DEFA1B: variants seen among roughly 807,000 people sequenced by gnomAD.
DEFA1B encodes the protein defensin alpha 1B.
chr8:6,998,913 A>G (rs1441413940), intron 1 of DEFA1B, among the ~76,000 whole-genome samples: 9 of 114,196 alleles, frequency 7.9e-5, no homozygotes, highest in Non-Finnish European at 1.9e-4. Context: ...CAACCAGGAC[A>G]TGTGTGTTTA....
At chr8:6,998,982 C>A (rs1454448481) in intron 1 of DEFA1B, 141 bp downstream of exon 1, 4 of 108,408 alleles carry the variant, frequency 3.7e-5, no homozygotes, top group Non-Finnish European at 8.7e-5. Flanking sequence ...CCCCAGCAGT[C>A]ACCAGAGGTC....
rs1477186275 is a variant in DEFA1B at position 6,999,112 on chromosome 8, G to A, written c.-13+11C>T. ...AAACTCAGTGTAAAGTTTAAGTTTT[G>A]TAGTACTTACAGATCCTCTAGCTAG... On this transcript the variant is annotated intron_variant, in intron 1 of 2. Coordinates refer to ENST00000382689, the MANE Select transcript of DEFA1B (RefSeq NM_001042500.2). The A allele has an allele frequency of 2.2e-4, 22 of 98,940 alleles. No homozygotes were observed. In the Admixed American group the frequency reaches 2.4e-3, roughly 11 times the overall value. 6.1% of individuals were successfully genotyped at this position (98,940 alleles called of 1,614,324 possible). A position where few individuals can be genotyped will look rare whatever the true frequency, so the allele number is the denominator to read the frequency against.
At chr8:6,998,850 G>A (rs1188811779) in intron 1 of DEFA1B, among the ~76,000 whole-genome samples, 1 of 105,702 alleles carries the variant, frequency 9.5e-6, no homozygotes, top group African/African-American at 3.3e-5. Context: ...ACCTAAATAG[G>A]TTTCTCTCAA....
chr8:6,998,885 A>G lies in DEFA1B; in HGVS notation c.-13+238T>C, dbSNP rs1434783164. On this transcript the variant is annotated intron_variant, in intron 1 of 2. Coordinates refer to ENST00000382689, the MANE Select transcript of DEFA1B (RefSeq NM_001042500.2). ...AAAGAATGTTCCAAAGACCTGTGAT[A>G]GTCTCTACTGGACATGTCAACCAGG... Among the ~76,000 whole-genome samples, 14 of 112,684 alleles carry G rather than the reference A, an allele frequency of 1.2e-4. 3 individuals are homozygous for G. The highest frequency in any genetic ancestry group is 3.0e-4 in the Non-Finnish European group (14 of 46,988). The allele number at this position is 112,684 out of a possible 152,430, so 73.9% of individuals were successfully genotyped here. A position where few individuals can be genotyped will look rare whatever the true frequency, so the allele number is the denominator to read the frequency against.
intron 1 of DEFA1B, among the ~76,000 whole-genome samples, 186 bp downstream of exon 1, chr8:6,998,937 T>G (rs1810595763): frequency 8.8e-6 from 1 of 113,734 alleles, no homozygotes; most frequent in African/African-American, 2.9e-5. Flanking sequence ...GGAAACTGCT[T>G]GAGTTTCTCT....
rs1211681901 is a variant in DEFA1B, at chr8:6,998,946, C to T, written c.-13+177G>A. The stretch of plus-strand genomic sequence containing the variant: ...TTAGAAGGAAACTGCTTGAGTTTCT[C>T]TATTAAGTTAGCTGGAAGCCATCGT... On this transcript the variant is annotated intron_variant, in intron 1 of 2. Transcript: ENST00000382689. 2.0e-4 allele frequency among the ~76,000 whole-genome samples: 23 copies of T among 112,880 alleles called. No individual in the cohort carries two copies. In the South Asian group the frequency reaches 6.4e-3, roughly 32 times the overall value. The allele number at this position is 112,880 out of a possible 152,430, so 74.1% of individuals were successfully genotyped here. A position where few individuals can be genotyped will look rare whatever the true frequency, so the allele number is the denominator to read the frequency against.
At position 6,999,023 on chromosome 8, in the gene DEFA1B, G is replaced by A. The variant is rs1472317176; in HGVS notation, c.-13+100C>T. 4 of 103,950 alleles carry A rather than the reference G, an allele frequency of 3.8e-5. 1 individual carries two copies. The highest frequency in any genetic ancestry group is 1.0e-4 in the Admixed American group (1 of 9,850). 6.4% of individuals were successfully genotyped at this position (103,950 alleles called of 1,614,324 possible). On this transcript the variant is annotated intron_variant, in intron 1 of 2. Transcript: ENST00000382689. ...AGACGTTCCTAGCAGGGATTCGCCC[G>A]CTGGTTCCCTCTGGGGTGGCCCCAC...
intron 1 of DEFA1B, among the ~76,000 whole-genome samples, 159 bp downstream of exon 1, chr8:6,998,964 G>A (rs149888359): frequency 0.17 from 17,046 of 101,458 alleles, 161 homozygotes; most frequent in South Asian, 0.21. Context: ...TTAGCTGGAA[G>A]CCATCGTCCC....
Position 6,998,924 on chromosome 8 carries a change from G to C in DEFA1B, c.-13+199C>G, listed in dbSNP as rs867928629. 6.8e-3 allele frequency among the ~76,000 whole-genome samples: 775 copies of C among 113,684 alleles called. 76 individuals are homozygous for C. The highest frequency in any genetic ancestry group is 0.022 in the East Asian group (90 of 4,100). 74.6% of individuals were successfully genotyped at this position (113,684 alleles called of 152,430 possible). A position where few individuals can be genotyped will look rare whatever the true frequency, so the allele number is the denominator to read the frequency against. On this transcript the variant is annotated intron_variant, in intron 1 of 2. Transcript: ENST00000382689. ...ATGTCAACCAGGACATGTGTGTTTA[G>C]AAGGAAACTGCTTGAGTTTCTCTAT... is the stretch of plus-strand genomic sequence containing the variant.
At chr8:6,999,039 G>A (rs1214110324) in intron 1 of DEFA1B, 84 bp downstream of exon 1, 1 of 97,432 alleles carries the variant, frequency 1.0e-5, no homozygotes, top group African/African-American at 3.5e-5. Context: ...TCCCTCTGGG[G>A]TGGCCCCACA....
At chr8:6,999,013 G>A (rs1303416770) in intron 1 of DEFA1B, 110 bp downstream of exon 1, 1 of 105,734 alleles carries the variant, frequency 9.5e-6, no homozygotes, top group African/African-American at 3.2e-5. Flanking sequence ...TTCCTAGCAG[G>A]GATTCGCCCG....
chr8:6,998,934 G>C (rs1301501087), intron 1 of DEFA1B, among the ~76,000 whole-genome samples, 189 bp downstream of exon 1: 3 of 113,892 alleles, frequency 2.6e-5, no homozygotes, highest in East Asian at 2.2e-4. Flanking sequence ...GAAGGAAACT[G>C]CTTGAGTTTC....
chr8:6,998,935 C>T (rs1347504592), intron 1 of DEFA1B, among the ~76,000 whole-genome samples, 188 bp downstream of exon 1: 2 of 113,874 alleles, frequency 1.8e-5, no homozygotes, highest in South Asian at 5.8e-4. Context: ...AAGGAAACTG[C>T]TTGAGTTTCT....
chr8:6,998,994 G>A (rs1357780251), intron 1 of DEFA1B, 129 bp downstream of exon 1: 2 of 107,426 alleles, frequency 1.9e-5, no homozygotes, highest in African/African-American at 3.1e-5. Context: ...CCAGAGGTCC[G>A]GACAGACGTT....
At chr8:6,998,756 G>A (rs1354302730) in intron 1 of DEFA1B, among the ~76,000 whole-genome samples, 1 of 48,636 alleles carries the variant, frequency 2.1e-5, no homozygotes, top group Non-Finnish European at 3.8e-5. Flanking sequence ...CTACATGGCC[G>A]AAGGGGCAAA....
intron 1 of DEFA1B, 109 bp downstream of exon 1, chr8:6,999,014 G>A (rs1434016774): frequency 9.5e-6 from 1 of 105,786 alleles, no homozygotes. Flanking sequence ...TCCTAGCAGG[G>A]ATTCGCCCGC....
intron 1 of DEFA1B, among the ~76,000 whole-genome samples, chr8:6,998,866 T>C (rs1462700801): frequency 1.8e-5 from 2 of 108,902 alleles, no homozygotes; most frequent in Non-Finnish European, 4.3e-5. Flanking sequence ...CTCAAAAGAA[T>C]GTTCCAAAGA....
rs2117447033 is a variant in DEFA1B, at chr8:6,999,179, G to A, written c.-69C>T. 1 of 100,966 alleles carries A rather than the reference G, an allele frequency of 9.9e-6. No homozygotes were observed. Among genetic ancestry groups the A allele is most frequent in the Non-Finnish European group, 2.3e-5 (1 of 43,172 alleles). 6.3% of individuals were successfully genotyped at this position (100,966 alleles called of 1,614,324 possible). ...GGGCAGACAGCAGTCCTCTGTCCCAGGTCTTCTATAGCAAGGAGCAGCCGT... is the reference window on the plus strand; with the variant it reads ...GGGCAGACAGCAGTCCTCTGTCCCAAGTCTTCTATAGCAAGGAGCAGCCGT... On this transcript the variant is annotated 5_prime_UTR_variant, in exon 1 of 3. Coordinates refer to ENST00000382689, the MANE Select transcript of DEFA1B (RefSeq NM_001042500.2).
Position 6,999,142 on chromosome 8 carries a change from G to C in DEFA1B, c.-32C>G, listed in dbSNP as rs1263291304. On this transcript the variant is annotated 5_prime_UTR_variant, in exon 1 of 3. Coordinates refer to ENST00000382689, the MANE Select transcript of DEFA1B (RefSeq NM_001042500.2). The stretch of plus-strand genomic sequence containing the variant: ...ACTTACAGATCCTCTAGCTAGGCAG[G>C]GTGACCAGAGAGGGCAGACAGCAGT... The C allele has an allele frequency of 2.0e-5, 2 of 100,034 alleles. No individual in the cohort carries two copies. Among genetic ancestry groups the C allele is most frequent in the African/African-American group, 6.8e-5 (2 of 29,360 alleles). 6.2% of individuals were successfully genotyped at this position (100,034 alleles called of 1,614,324 possible). A position where few individuals can be genotyped will look rare whatever the true frequency, so the allele number is the denominator to read the frequency against.
Sources: allele counts gnomAD v4.1 joint callset (sites outside exome capture counted in the v4.1 genomes callset), GRCh38; gene constraint gnomAD v4.1.1; transcripts MANE v1.5; gene names NCBI Gene and HGNC (gene_info 2026-07-23, HGNC 2026-07-21).